Variants in CYFIP1 observed in about 807,000 individuals in gnomAD.
CYFIP1 encodes the protein cytoplasmic FMR1-interacting protein 1.
CYFIP1 carries 58 observed loss-of-function variants against 163.5 expected under a neutral mutation model. That is an observed-to-expected ratio of 0.35 (90% CI 0.29 to 0.44). The LOEUF (loss-of-function observed/expected upper bound fraction) is 0.44, where lower values mean the gene tolerates loss of function less well. CYFIP1 is among the 20% of genes least tolerant of loss of function. The pLI is 1.00. For synonymous variants in CYFIP1, 663 were observed against 660.7 expected (o/e 1.00, Z -0.05); for missense variants, 1,338 against 1,653.8 (o/e 0.81, Z 3.31).
rs1010797218 is a variant in CYFIP1, at chr15:22,946,717, T to C, written c.207+286A>G. The C allele has an allele frequency of 8.4e-6, 5 of 592,852 alleles. No individual in the cohort carries two copies. In the African/African-American group the frequency reaches 9.2e-5, roughly 11 times the overall value. The allele number at this position is 592,852 out of a possible 1,614,324, so 36.7% of individuals were successfully genotyped here. On this transcript the variant is annotated intron_variant, in intron 3 of 30. Coordinates refer to ENST00000617928, the MANE Select transcript of CYFIP1 (RefSeq NM_014608.6). ...CTCATATGGGCACATACCTGGTGTG[T>C]GTGGGTGCAGATCTGGAGAGGGAAT... is the stretch of plus-strand genomic sequence containing the variant.
At chr15:22,888,451 G>C (rs565659821) in intron 23 of CYFIP1, among the ~76,000 whole-genome samples, 2 of 152,322 alleles carry the variant, frequency 1.3e-5, no homozygotes, top group African/African-American at 4.8e-5. Context: ...ACTGGTTTAG[G>C]ACTAGGCACG....
At chr15:22,914,932 C>G in intron 16 of CYFIP1, 50 bp from the exon 17 acceptor site, 7 of 1,554,834 alleles carry the variant, frequency 4.5e-6, no homozygotes, top group Non-Finnish European at 6.1e-6. Context: ...CAAAAAAAAA[C>G]CTTTAGCAGA....
intron 30 of CYFIP1, 199 bp downstream of exon 30, chr15:22,872,626 A>G (rs927408981): frequency 3.0e-5 from 17 of 568,272 alleles, no homozygotes; most frequent in African/African-American, 2.8e-4. Context: ...AGGAAAACGG[A>G]ACAATGAGTA....
chr15:22,881,940 C>T lies in CYFIP1; in HGVS notation c.2821-4G>A, dbSNP rs1289004536. 1 of 1,611,386 alleles carries T rather than the reference C, an allele frequency of 6.2e-7. No individual in the cohort carries two copies. Among genetic ancestry groups the T allele is most frequent in the East Asian group, 2.2e-5 (1 of 44,856 alleles). Reference sequence around the variant, plus strand: ...ACTGCAGGATTGTGCCTTGCAGCTGCCGGGGAGATGAGACGGGCTGCGTCA... The same window carrying T: ...ACTGCAGGATTGTGCCTTGCAGCTGTCGGGGAGATGAGACGGGCTGCGTCA... On this transcript the variant is annotated splice_polypyrimidine_tract_variant and splice_region_variant and intron_variant, in intron 24 of 30. Coordinates refer to ENST00000617928, the MANE Select transcript of CYFIP1 (RefSeq NM_014608.6).
At chr15:22,924,795 G>T (rs909448785) in intron 13 of CYFIP1, among the ~76,000 whole-genome samples, 8 of 152,102 alleles carry the variant, frequency 5.3e-5, no homozygotes, top group Non-Finnish European at 8.8e-5. Flanking sequence ...ATTTTGGCTG[G>T]GCGCAGTGGC....
intron 1 of CYFIP1, among the ~76,000 whole-genome samples, chr15:22,953,065 C>T (rs1233079485): frequency 1.3e-5 from 2 of 152,228 alleles, no homozygotes; most frequent in African/African-American, 2.4e-5. Context: ...GGGCCCGGCC[C>T]GCTTCCAAGG....
intron 26 of CYFIP1, among the ~76,000 whole-genome samples, chr15:22,875,885 C>CAT (rs10640110): frequency 0.15 from 20,121 of 130,702 alleles, 5,039 homozygotes; most frequent in African/African-American, 0.51. Context: ...TCCAGAATAA[C>CAT]ATATATATAT....
Position 22,909,304 on chromosome 15 carries a change from T to G in CYFIP1, c.2278A>C (p.Arg760=). The G allele has an allele frequency of 6.2e-7, 1 of 1,614,120 alleles. No homozygotes were observed. Among genetic ancestry groups the G allele is most frequent in the Non-Finnish European group, 8.5e-7 (1 of 1,179,984 alleles). ...ATCAGACGATTGAGGTCTATTGATCTGCCGAGGAGCTGGCGTACACAGGGA... is the reference window on the plus strand; with the variant it reads ...ATCAGACGATTGAGGTCTATTGATCGGCCGAGGAGCTGGCGTACACAGGGA... ...LKQRHVQLLG[R]SIDLNRLITQ... The change falls in exon 21 of 31, where the codon AGA becomes CGA. Residue 760 remains arginine (R), a synonymous_variant. Transcript: ENST00000617928.
At chr15:22,965,090 A>C (rs1391651731) in intron 1 of CYFIP1, among the ~76,000 whole-genome samples, 2 of 152,110 alleles carry the variant, frequency 1.3e-5, no homozygotes, top group African/African-American at 4.8e-5. Flanking sequence ...ATTAATAAAC[A>C]TATCAACATA....
chr15:22,952,658 T>C, intron 1 of CYFIP1, among the ~76,000 whole-genome samples: 1 of 1,846 alleles, frequency 5.4e-4, no homozygotes, highest in Admixed American at 7.6e-3. Context: ...AGACTCCATC[T>C]CAAAAAAAAA....
chr15:22,979,736 C>G (rs903982352), intron 1 of CYFIP1, among the ~76,000 whole-genome samples: 1 of 152,208 alleles, frequency 6.6e-6, no homozygotes, highest in Non-Finnish European at 1.5e-5. Context: ...GCCTCCTTAA[C>G]AAAGCCCAAA....
chr15:22,965,274 C>T (rs146156075), intron 1 of CYFIP1, among the ~76,000 whole-genome samples: 1 of 152,102 alleles, frequency 6.6e-6, no homozygotes, highest in East Asian at 1.9e-4. Flanking sequence ...GCCCAGCCAA[C>T]GTGGTGAAAC....
intron 6 of CYFIP1, among the ~76,000 whole-genome samples, chr15:22,941,779 G>A (rs546547773): frequency 6.6e-6 from 1 of 152,036 alleles, no homozygotes; most frequent in Non-Finnish European, 1.5e-5. Context: ...TACAGACTAG[G>A]CTTTAGAATA....
Position 22,918,329 on chromosome 15 carries a change from A to AG in CYFIP1, c.1526+362dup, listed in dbSNP as rs1267730232. On this transcript the variant is annotated intron_variant, in intron 14 of 30. Transcript: ENST00000617928. ...GGAATGTGAAGTCACCCACATGACC[A>AG]GAGCCTGGCCATGTCTCTCGACTGG... 7.2e-5 allele frequency among the ~76,000 whole-genome samples: 11 copies of AG among 152,244 alleles called. 1 individual carries two copies. In the East Asian group the frequency reaches 9.7e-4, roughly 13 times the overall value.
At chr15:22,884,045 C>T (rs2059862226) in intron 23 of CYFIP1, among the ~76,000 whole-genome samples, 1 of 152,122 alleles carries the variant, frequency 6.6e-6, no homozygotes, top group African/African-American at 2.4e-5. Flanking sequence ...AAACTGCCCC[C>T]ATGAACCAGT....
chr15:22,941,623 C>T (rs7402104), intron 6 of CYFIP1, among the ~76,000 whole-genome samples: 12,112 of 151,920 alleles, frequency 0.08, 757 homozygotes, highest in Admixed American at 0.18. Flanking sequence ...AGATAGAGGT[C>T]AGAGGAAGAG....
chr15:22,918,058 C>G (rs1484615548), intron 14 of CYFIP1, 123 bp from the exon 15 acceptor site: 15 of 1,115,406 alleles, frequency 1.3e-5, no homozygotes, highest in Non-Finnish European at 1.9e-5. Context: ...ACAAATTACT[C>G]TGGGGGCCAT....
intron 20 of CYFIP1, 23 bp from the exon 21 acceptor site, chr15:22,909,336 G>C: frequency 6.2e-7 from 1 of 1,613,366 alleles, no homozygotes; most frequent in Non-Finnish European, 8.5e-7. Context: ...GGGAAGGATG[G>C]CAGGTAAAGA....
Position 22,927,985 on chromosome 15 carries a change from G to A in CYFIP1, c.1154C>T (p.Ala385Val), listed in dbSNP as rs1261295413. 1.1e-5 allele frequency: 18 copies of A among 1,596,640 alleles called. No individual in the cohort carries two copies. The highest frequency in any genetic ancestry group is 1.4e-5 in the Non-Finnish European group (17 of 1,174,100). ...SGRQEAQKTD[A>V]EYRKLFDLAL... is the part of the protein sequence containing the mutation. ...CAGGTCGAAGAGCTTGCGGTACTCC[G>A]CGTCCGTCTTCTGGGCCTCCTGGCG... The change falls in exon 12 of 31, where the codon GCG becomes GTG. Residue 385 changes from alanine to valine, a missense_variant. Ala to Val is a moderately conservative substitution (Grantham distance 64). Transcript: ENST00000617928.
Sources: allele counts gnomAD v4.1 joint callset (sites outside exome capture counted in the v4.1 genomes callset), GRCh38; gene constraint gnomAD v4.1.1; transcripts MANE v1.5; gene names NCBI Gene and HGNC (gene_info 2026-07-23, HGNC 2026-07-21).